The following CCDC88C variants were observed in gnomAD, a reference collection of about 807,000 sequenced individuals.
CCDC88C encodes the protein protein Daple.
Under a neutral mutation model 198.8 loss-of-function variants are expected in CCDC88C, and 131 were observed. That is an observed-to-expected ratio of 0.66 (90% CI 0.57 to 0.76). The LOEUF (loss-of-function observed/expected upper bound fraction) is 0.76. CCDC88C is among the 30% of genes least tolerant of loss of function. The probability of loss-of-function intolerance (pLI) is 0.00; values close to 1 mark genes in which losing one functional copy is unlikely to be tolerated. For synonymous variants in CCDC88C, 1,166 were observed against 1,114.7 expected (o/e 1.05, Z -0.92); for missense variants, 2,553 against 2,631.6 (o/e 0.97, Z 0.65).
chr14:91,338,747 TTTTCA>T lies in CCDC88C; in HGVS notation c.810-182_810-178del. 2 of 596,470 alleles carry T rather than the reference TTTTCA, an allele frequency of 3.4e-6. No homozygotes were observed. The highest frequency in any genetic ancestry group is 2.9e-5 in the Admixed American group (1 of 34,982). 36.9% of individuals were successfully genotyped at this position (596,470 alleles called of 1,614,324 possible). A position where few individuals can be genotyped will look rare whatever the true frequency, so the allele number is the denominator to read the frequency against. On this transcript the variant is annotated intron_variant, in intron 8 of 29. Coordinates refer to ENST00000389857, the MANE Select transcript of CCDC88C (RefSeq NM_001080414.4). The surrounding 1 kb of genome is among the most constrained non-coding windows in gnomAD (Gnocchi z 4.8). ...ATGTTACTGACTCAAAATTCTTTTC[TTTTCA>T]TAAGTTTGCAACACCGGCCCTTAAA...
At position 91,288,454 on chromosome 14, in the gene CCDC88C, G is replaced by T. The variant is rs1011042422; in HGVS notation, c.4441+651C>A. ...TGGAGAACGTGTTGAGTGCACCTGG[G>T]ATCTCCCTGCACAAAGCAGCTTTCT... On this transcript the variant is annotated intron_variant, in intron 25 of 29. Coordinates refer to ENST00000389857, the MANE Select transcript of CCDC88C (RefSeq NM_001080414.4). This position sits in a 1 kb window ranked among gnomAD's most constrained non-coding sequence, Gnocchi z 4.2. Among the ~76,000 whole-genome samples, 19 of 152,170 alleles carry T rather than the reference G, an allele frequency of 1.2e-4. No homozygotes were observed. The highest frequency in any genetic ancestry group is 2.4e-4 in the Non-Finnish European group (16 of 68,040).
rs765261672 is a variant in CCDC88C, at chr14:91,303,907, G to A, written c.3429C>T (p.His1143=). The change falls in exon 20 of 30, where the codon CAC becomes CAT. Residue 1143 remains histidine (H), a synonymous_variant. Coordinates refer to ENST00000389857, the MANE Select transcript of CCDC88C (RefSeq NM_001080414.4). The stretch of plus-strand genomic sequence containing the variant: ...TTTCGTTCTCCGTCTCCTTGGCCGT[G>A]TGGTGGTTCTGCAGCAGCGTGTACT... ...TAQYTLLQNH[H]TAKETENESL... is the part of the protein sequence containing the mutation. 1.2e-6 allele frequency: 2 copies of A among 1,612,646 alleles called. No homozygotes were observed. Among genetic ancestry groups the A allele is most frequent in the Non-Finnish European group, 1.7e-6 (2 of 1,179,888 alleles).
chr14:91,374,635 G>A (rs1050690580), intron 3 of CCDC88C, among the ~76,000 whole-genome samples: 9 of 152,220 alleles, frequency 5.9e-5, no homozygotes, highest in African/African-American at 1.2e-4. Context: ...AGAACAGGCC[G>A]TGCAGTCCTG....
intron 15 of CCDC88C, among the ~76,000 whole-genome samples, chr14:91,312,550 T>C (rs1026471643): frequency 6.6e-6 from 1 of 152,010 alleles, no homozygotes; most frequent in East Asian, 1.9e-4. Context: ...CCAGGTGTGG[T>C]AGTGTGCATC....
chr14:91,296,495 C>T lies in CCDC88C; in HGVS notation c.3966+810G>A, dbSNP rs994426086. On this transcript the variant is annotated intron_variant, in intron 22 of 29. Coordinates refer to ENST00000389857, the MANE Select transcript of CCDC88C (RefSeq NM_001080414.4). ...GGGGCGAGGATTCCACAGGCAGTGCCGTGGCCTTTGCCTCCATCCCGCCTC... is the reference window on the plus strand; with the variant it reads ...GGGGCGAGGATTCCACAGGCAGTGCTGTGGCCTTTGCCTCCATCCCGCCTC... 5.3e-5 allele frequency among the ~76,000 whole-genome samples: 8 copies of T among 152,306 alleles called. No homozygotes were observed. In the East Asian group the frequency reaches 7.7e-4, roughly 15 times the overall value.
chr14:91,302,693 G>A (rs1389553008), intron 20 of CCDC88C, among the ~76,000 whole-genome samples: 3 of 152,200 alleles, frequency 2.0e-5, no homozygotes, highest in South Asian at 2.1e-4. Flanking sequence ...AATGACTGTC[G>A]AGAGTGCATG....
Position 91,352,783 on chromosome 14 carries a change from C to T in CCDC88C, c.340+6859G>A, listed in dbSNP as rs991416158. Among the ~76,000 whole-genome samples, 13 of 152,144 alleles carry T rather than the reference C, an allele frequency of 8.5e-5. No homozygotes were observed. Among genetic ancestry groups the T allele is most frequent in the Non-Finnish European group, 1.3e-4 (9 of 67,994 alleles). ...TGGCCGACCCTCAGCCTCCACACCACACGGTGAGCAGGCATGGAGCCAGGG... is the reference window on the plus strand; with the variant it reads ...TGGCCGACCCTCAGCCTCCACACCATACGGTGAGCAGGCATGGAGCCAGGG... On this transcript the variant is annotated intron_variant, in intron 4 of 29. Coordinates refer to ENST00000389857, the MANE Select transcript of CCDC88C (RefSeq NM_001080414.4). The surrounding 1 kb of genome is among the most constrained non-coding windows in gnomAD (Gnocchi z 4.2).
chr14:91,305,153 G>A (rs1002133412), intron 19 of CCDC88C, among the ~76,000 whole-genome samples: 1 of 152,096 alleles, frequency 6.6e-6, no homozygotes, highest in African/African-American at 2.4e-5. Context: ...AGCCGAGATC[G>A]CACCACTGCA....
At chr14:91,314,180 G>A (rs371239046) in intron 14 of CCDC88C, 30 bp from the exon 15 acceptor site, 3 of 1,547,998 alleles carry the variant, frequency 1.9e-6, no homozygotes, top group African/African-American at 2.7e-5. Context: ...GCACAACCCA[G>A]GCTGCTGCAG....
intron 4 of CCDC88C, among the ~76,000 whole-genome samples, chr14:91,355,621 T>C (rs1208605542): frequency 6.6e-6 from 1 of 152,144 alleles, no homozygotes; most frequent in Non-Finnish European, 1.5e-5. Flanking sequence ...GACGGGCAGA[T>C]GCTGAGGAGA....
intron 3 of CCDC88C, among the ~76,000 whole-genome samples, chr14:91,372,892 C>T (rs1894885761): frequency 6.6e-6 from 1 of 152,172 alleles, no homozygotes; most frequent in Admixed American, 6.5e-5. Context: ...AGTCAGGCCC[C>T]CGGAGGTGCT....
intron 15 of CCDC88C, among the ~76,000 whole-genome samples, chr14:91,311,168 A>C (rs1263161562): frequency 1.3e-5 from 2 of 152,106 alleles, no homozygotes; most frequent in Non-Finnish European, 2.9e-5. Flanking sequence ...GGTCCCCTGG[A>C]CTCTGGTGAG....
At chr14:91,384,859 G>A (rs1166580956) in intron 3 of CCDC88C, among the ~76,000 whole-genome samples, 2 of 152,200 alleles carry the variant, frequency 1.3e-5, no homozygotes, top group Non-Finnish European at 2.9e-5. Context: ...CACGGGTGAT[G>A]CTCCAAACCC....
At chr14:91,318,880 C>T (rs1177177172) in intron 13 of CCDC88C, among the ~76,000 whole-genome samples, 1 of 146,998 alleles carries the variant, frequency 6.8e-6, no homozygotes, top group Non-Finnish European at 1.5e-5. Context: ...GATTGCACCA[C>T]TGCACTCCAG....
rs1345336529 is a variant in CCDC88C at position 91,343,675 on chromosome 14, C to T, written c.341-18G>A. ...GCTCTTCCCTAGATCAAGAGAGCAACACATTTAACTCAGCTCAACTGCTGA... is the reference window on the plus strand; with the variant it reads ...GCTCTTCCCTAGATCAAGAGAGCAATACATTTAACTCAGCTCAACTGCTGA... On this transcript the variant is annotated intron_variant, in intron 4 of 29. Coordinates refer to ENST00000389857, the MANE Select transcript of CCDC88C (RefSeq NM_001080414.4). 1 of 1,613,202 alleles carries T rather than the reference C, an allele frequency of 6.2e-7. No homozygotes were observed. Among genetic ancestry groups the T allele is most frequent in the Non-Finnish European group, 8.5e-7 (1 of 1,179,806 alleles).
At chr14:91,276,284 G>T (rs933575615) in intron 29 of CCDC88C, among the ~76,000 whole-genome samples, 1 of 152,242 alleles carries the variant, frequency 6.6e-6, no homozygotes, top group Admixed American at 6.5e-5. Flanking sequence ...TCAAACGCAC[G>T]CCTGAGTTTG....
At chr14:91,279,034 T>C (rs1256708924) in intron 28 of CCDC88C, among the ~76,000 whole-genome samples, 1 of 151,464 alleles carries the variant, frequency 6.6e-6, no homozygotes, top group Non-Finnish European at 1.5e-5. Context: ...CCTGAGTAGC[T>C]GGGACCACAG....
At chr14:91,321,360 C>T in intron 12 of CCDC88C, 56 bp from the exon 13 acceptor site, 1 of 1,517,056 alleles carries the variant, frequency 6.6e-7, no homozygotes. Flanking sequence ...CTTCCACTCT[C>T]TGCCCCAAGC....
chr14:91,400,478 C>T (rs775484482), intron 3 of CCDC88C, among the ~76,000 whole-genome samples: 7 of 152,212 alleles, frequency 4.6e-5, no homozygotes, highest in South Asian at 2.1e-4. Context: ...CTCCCGCTGC[C>T]GACATGGGGA....
Sources: gnomAD v4.1 joint callset for allele counts (sites outside exome capture counted in the v4.1 genomes callset) on GRCh38, gnomAD v4.1.1 for gene constraint, Gnocchi (gnomAD v3.1) non-coding constraint, MANE v1.5 for transcripts, NCBI Gene and HGNC (gene_info 2026-07-23, HGNC 2026-07-21) for gene names.